Variants in NDFIP2 observed in about 807,000 individuals in gnomAD.
The protein encoded by NDFIP2 is Nedd4 family interacting protein 2.
Under a neutral mutation model 36.0 loss-of-function variants are expected in NDFIP2, and 19 were observed. The observed-to-expected ratio is 0.53, with a 90% CI of 0.37 to 0.77. NDFIP2 has a LOEUF of 0.77. Among genes scored for constraint, NDFIP2 ranks in the 30% least tolerant of loss-of-function variants. The pLI is 0.00. For synonymous variants in NDFIP2, 181 were observed against 167.7 expected (o/e 1.08, Z -0.61); for missense variants, 446 against 435.8 (o/e 1.02, Z -0.21).
intron 2 of NDFIP2, among the ~76,000 whole-genome samples, 165 bp downstream of exon 2, chr13:79,521,140 C>T (rs1444697861): frequency 2.6e-5 from 4 of 151,688 alleles, no homozygotes; most frequent in Non-Finnish European, 5.9e-5. Context: ...GATGTATACA[C>T]ACATATATAT....
chr13:79,494,744 G>C (rs1364770172), intron 1 of NDFIP2, among the ~76,000 whole-genome samples: 1 of 151,878 alleles, frequency 6.6e-6, no homozygotes, highest in African/African-American at 2.4e-5. Context: ...TTTCCAGTAG[G>C]TTCCTAAGAA....
rs190388923 is a variant in NDFIP2, at chr13:79,514,248, T to C, written c.322-6562T>C. Reference sequence around the variant, plus strand: ...CTAGCTGTTAGAGATGGCAGAATACTTGTGTTAGCAAGGTTCTTCTCTCTC... The same window carrying C: ...CTAGCTGTTAGAGATGGCAGAATACCTGTGTTAGCAAGGTTCTTCTCTCTC... On this transcript the variant is annotated intron_variant, in intron 1 of 7. Coordinates refer to ENST00000218652, the MANE Select transcript of NDFIP2 (RefSeq NM_019080.3). Among the ~76,000 whole-genome samples, 12 of 152,348 alleles carry C rather than the reference T, an allele frequency of 7.9e-5. No individual in the cohort carries two copies. The East Asian group carries it at 2.3e-3, about 29-fold the overall frequency.
chr13:79,536,706 C>T (rs1315462916), intron 3 of NDFIP2, among the ~76,000 whole-genome samples: 7 of 151,942 alleles, frequency 4.6e-5, no homozygotes, highest in East Asian at 1.9e-4. Context: ...GTTTGTGTTT[C>T]GATTTTTTCT....
Position 79,555,170 on chromosome 13 carries a change from C to T in NDFIP2, c.*2657C>T, listed in dbSNP as rs1876063634. Reference sequence around the variant, plus strand: ...TTATTTCCAGTAAAACCTCTCCTAACAGGAAAAGTGGAGTTCAAAATATCC... The same window carrying T: ...TTATTTCCAGTAAAACCTCTCCTAATAGGAAAAGTGGAGTTCAAAATATCC... On this transcript the variant is annotated 3_prime_UTR_variant, in exon 8 of 8. Transcript: ENST00000218652. 6.7e-6 allele frequency: 1 copy of T among 150,186 alleles called. No homozygotes were observed. Among genetic ancestry groups the T allele is most frequent in the South Asian group, 2.1e-4 (1 of 4,692 alleles). The allele number at this position is 150,186 out of a possible 1,614,324, so 9.3% of individuals were successfully genotyped here.
chr13:79,516,690 G>A (rs187480698), intron 1 of NDFIP2, among the ~76,000 whole-genome samples: 2 of 151,968 alleles, frequency 1.3e-5, no homozygotes, highest in East Asian at 3.9e-4. Context: ...TTCTCTTCCT[G>A]TAGGTCTAAC....
intron 6 of NDFIP2, among the ~76,000 whole-genome samples, chr13:79,549,322 G>A (rs1028390518): frequency 2.6e-5 from 4 of 151,874 alleles, no homozygotes; most frequent in African/African-American, 9.7e-5. Context: ...CCTGAATGCC[G>A]TGTTCTTTAT....
Position 79,486,137 on chromosome 13 carries a change from A to G in NDFIP2, c.321+4613A>G, listed in dbSNP as rs922367944. On this transcript the variant is annotated intron_variant, in intron 1 of 7. Transcript: ENST00000218652. ...ATTCCCAAGATATTTCATTACGTAT[A>G]TGCAATATTCCAAAATCCAAAAAAA... 9.9e-5 allele frequency among the ~76,000 whole-genome samples: 15 copies of G among 152,160 alleles called. 1 individual carries two copies. Among genetic ancestry groups the G allele is most frequent in the African/African-American group, 3.4e-4 (14 of 41,438 alleles).
intron 1 of NDFIP2, among the ~76,000 whole-genome samples, chr13:79,510,123 T>G (rs569293904): frequency 6.6e-6 from 1 of 152,326 alleles, no homozygotes; most frequent in South Asian, 2.1e-4. Flanking sequence ...TTATGTTTGG[T>G]TTATACAAAT....
intron 1 of NDFIP2, among the ~76,000 whole-genome samples, chr13:79,489,588 A>C (rs536413207): frequency 6.6e-6 from 1 of 152,306 alleles, no homozygotes; most frequent in East Asian, 1.9e-4. Flanking sequence ...CCCTTAGTAG[A>C]TAGGGATCAG....
At chr13:79,542,201 AC>A (rs917735228) in intron 4 of NDFIP2, among the ~76,000 whole-genome samples, 2 of 152,088 alleles carry the variant, frequency 1.3e-5, no homozygotes, top group African/African-American at 4.8e-5. Context: ...TGTTTAGAAA[AC>A]TTTTCTTCTG....
In NDFIP2 at chr13:79,534,268, A is replaced by G. The variant is rs562378142; in HGVS notation, c.621+812A>G. Among the ~76,000 whole-genome samples, 30 of 151,324 alleles carry G rather than the reference A, an allele frequency of 2.0e-4. No individual in the cohort carries two copies. The Middle Eastern group carries it at 0.014, about 70-fold the overall frequency. On this transcript the variant is annotated intron_variant, in intron 3 of 7. Coordinates refer to ENST00000218652, the MANE Select transcript of NDFIP2 (RefSeq NM_019080.3). ...TTTATGTTTCTATATTAGCATAGCCAGTTTAGTGACTGTGAAAGAACTCAA... is the reference window on the plus strand; with the variant it reads ...TTTATGTTTCTATATTAGCATAGCCGGTTTAGTGACTGTGAAAGAACTCAA...
At chr13:79,509,680 T>C (rs1874001328) in intron 1 of NDFIP2, among the ~76,000 whole-genome samples, 1 of 124,636 alleles carries the variant, frequency 8.0e-6, no homozygotes, top group Admixed American at 7.9e-5. Flanking sequence ...ATTATCGATA[T>C]ATATATATAT....
chr13:79,549,836 A>G (rs1260471211), intron 6 of NDFIP2, among the ~76,000 whole-genome samples: 2 of 151,894 alleles, frequency 1.3e-5, no homozygotes, highest in Non-Finnish European at 2.9e-5. Flanking sequence ...TGGAATTCAG[A>G]AGGAGTCCCA....
intron 3 of NDFIP2, among the ~76,000 whole-genome samples, chr13:79,535,973 A>C (rs1476063851): frequency 6.6e-6 from 1 of 152,218 alleles, no homozygotes; most frequent in Non-Finnish European, 1.5e-5. Context: ...GTTGTAAATG[A>C]GTCTCAGCTG....
intron 2 of NDFIP2, among the ~76,000 whole-genome samples, chr13:79,530,601 AT>A (rs1874978008): frequency 6.6e-6 from 1 of 152,182 alleles, no homozygotes; most frequent in African/African-American, 2.4e-5. Flanking sequence ...AGTTAAACTT[AT>A]GTAATCTAAG....
chr13:79,541,997 T>TA (rs1189630469), intron 4 of NDFIP2, among the ~76,000 whole-genome samples: 2 of 152,208 alleles, frequency 1.3e-5, no homozygotes, highest in African/African-American at 4.8e-5. Flanking sequence ...TTTAAAGTGT[T>TA]ACCATAAAAT....
chr13:79,493,965 C>T (rs552686442), intron 1 of NDFIP2, among the ~76,000 whole-genome samples: 160 of 152,230 alleles, frequency 1.1e-3, no homozygotes, highest in African/African-American at 3.5e-3. Flanking sequence ...CAGCAATCTC[C>T]TTTTCACCCT....
At chr13:79,530,023 A>G (rs970608841) in intron 2 of NDFIP2, among the ~76,000 whole-genome samples, 2 of 152,240 alleles carry the variant, frequency 1.3e-5, no homozygotes, top group African/African-American at 4.8e-5. Flanking sequence ...CTGCTAAAAG[A>G]TACTAATGAT....
rs558388352 is a variant in NDFIP2 at position 79,522,889 on chromosome 13, C to T, written c.487+1914C>T. 3.4e-4 allele frequency among the ~76,000 whole-genome samples: 52 copies of T among 152,288 alleles called. 1 individual carries two copies. Among genetic ancestry groups the T allele is most frequent in the African/African-American group, 1.2e-3 (48 of 41,548 alleles). ...TAGAAATGAGTCACTAAGTTTAGTC[C>T]TTATTCAAGAGGAGAGGAATTCATC... On this transcript the variant is annotated intron_variant, in intron 2 of 7. Transcript: ENST00000218652.
Sources: gnomAD v4.1 joint callset for allele counts (sites outside exome capture counted in the v4.1 genomes callset) on GRCh38, gnomAD v4.1.1 for gene constraint, MANE v1.5 for transcripts, NCBI Gene and HGNC (gene_info 2026-07-23, HGNC 2026-07-21) for gene names.